NT5C2: variants seen among roughly 807,000 people sequenced by gnomAD.
The protein encoded by NT5C2 is 5'-nucleotidase, cytosolic II.
NT5C2 carries 58 observed loss-of-function variants against 76.1 expected under a neutral mutation model. The observed-to-expected ratio is 0.76, with a 90% CI of 0.62 to 0.95. The LOEUF (loss-of-function observed/expected upper bound fraction) is 0.95, where lower values mean the gene tolerates loss of function less well. Ranked by LOEUF, NT5C2 falls within the 40% of genes least tolerant of loss-of-function variation. NT5C2 has a pLI of 0.00. For missense variants in NT5C2, 478 were observed against 690.3 expected (o/e 0.69, Z 3.45); for synonymous variants, 229 against 237.4 (o/e 0.96, Z 0.32).
At chr10:103,130,903 CAG>C (rs746661278) in intron 4 of NT5C2, among the ~76,000 whole-genome samples, 24 of 152,174 alleles carry the variant, frequency 1.6e-4, no homozygotes, top group Non-Finnish European at 3.2e-4. Flanking sequence ...AGACCAAAAA[CAG>C]AGTTTCCTTA....
chr10:103,106,715 AGAG>A lies in NT5C2; in HGVS notation c.176-12_176-10del. 6.7e-7 allele frequency: 1 copy of A among 1,503,260 alleles called. No individual in the cohort carries two copies. Among genetic ancestry groups the A allele is most frequent in the African/African-American group, 1.4e-5 (1 of 72,774 alleles). The allele number at this position is 1,503,260 out of a possible 1,614,324, so 93.1% of individuals were successfully genotyped here. ...CTCTGGGGACTTGTACACTGCACAA[AGAG>A]GAGGTTTTCATTAGTTAGCAGAAAG... On this transcript the variant is annotated splice_polypyrimidine_tract_variant and intron_variant, in intron 4 of 18. Transcript: ENST00000404739.
intron 3 of NT5C2, among the ~76,000 whole-genome samples, chr10:103,172,265 G>A (rs912008053): frequency 1.5e-5 from 1 of 66,908 alleles, no homozygotes; most frequent in Non-Finnish European, 3.2e-5. Flanking sequence ...TTTTTTTTTT[G>A]AGACGGAGTC....
intron 6 of NT5C2, among the ~76,000 whole-genome samples, chr10:103,102,823 G>A (rs1216311476): frequency 6.6e-6 from 1 of 151,868 alleles, no homozygotes; most frequent in Non-Finnish European, 1.5e-5. Flanking sequence ...ATTTTTATTA[G>A]GCAATTAGAA....
intron 1 of NT5C2, among the ~76,000 whole-genome samples, chr10:103,187,373 A>G (rs2092162659): frequency 6.6e-6 from 1 of 151,860 alleles, no homozygotes. Context: ...AAGAAACTCC[A>G]TCTCTACTAA....
intron 6 of NT5C2, among the ~76,000 whole-genome samples, chr10:103,101,979 T>G (rs72844002): frequency 0.042 from 6,409 of 152,242 alleles, 143 homozygotes; most frequent in Non-Finnish European, 0.052. Flanking sequence ...ATTAAGCTAC[T>G]GTTTCTACAC....
intron 18 of NT5C2, chr10:103,090,264 C>T: frequency 3.0e-6 from 1 of 335,246 alleles, no homozygotes; most frequent in Non-Finnish European, 5.4e-6. Flanking sequence ...GTCACCCAGG[C>T]TGGAGTACAG....
chr10:103,167,616 A>C (rs2086723609), intron 3 of NT5C2, among the ~76,000 whole-genome samples: 1 of 152,106 alleles, frequency 6.6e-6, no homozygotes, highest in African/African-American at 2.4e-5. Context: ...TAAAAAAAAA[A>C]ATAAAGATTT....
chr10:103,098,108 T>C (rs2068651027), intron 10 of NT5C2: 1 of 527,506 alleles, frequency 1.9e-6, no homozygotes, highest in Non-Finnish European at 3.9e-6. Context: ...AAGAAAGAAG[T>C]ATGTCATCTT....
At chr10:103,191,558 G>C (rs1334227602) in intron 1 of NT5C2, among the ~76,000 whole-genome samples, 1 of 152,118 alleles carries the variant, frequency 6.6e-6, no homozygotes, top group East Asian at 1.9e-4. Context: ...ATGTCTTCTG[G>C]TTAAGGGTGG....
chr10:103,181,934 C>G (rs1182998794), intron 1 of NT5C2, among the ~76,000 whole-genome samples: 1 of 151,400 alleles, frequency 6.6e-6, no homozygotes, highest in Non-Finnish European at 1.5e-5. Context: ...TTCTCCCACC[C>G]GGGAGGCGGA....
intron 3 of NT5C2, among the ~76,000 whole-genome samples, chr10:103,164,793 T>C (rs1016385182): frequency 2.0e-5 from 3 of 152,234 alleles, no homozygotes; most frequent in East Asian, 1.9e-4. Context: ...TTCCTCAACA[T>C]AAGTTTCTTC....
rs2068452374 is a variant in NT5C2, at chr10:103,097,357, A to C, written c.705T>G (p.Leu235=). ...YVVKDGKLPL[L]LSRMKEVGKV... ...TCCCTACTTCCTTCATCCGGCTCAG[A>C]AGCAAAGGCAGTTTTCCCTGAAATG... Residue 235 remains leucine (L), a synonymous_variant, in exon 11 of 19, where the codon CTT becomes CTG. Coordinates refer to ENST00000404739, the MANE Select transcript of NT5C2 (RefSeq NM_001351169.2). 2 of 1,613,758 alleles carry C rather than the reference A, an allele frequency of 1.2e-6. No individual in the cohort carries two copies. The highest frequency in any genetic ancestry group is 4.5e-5 in the East Asian group (2 of 44,818).
rs1458133670 is a variant in NT5C2 at position 103,101,229 on chromosome 10, A to C, written c.481+6T>G. 1.9e-6 allele frequency: 3 copies of C among 1,549,870 alleles called. No individual in the cohort carries two copies. The African/African-American group carries it at 4.1e-5, about 21-fold the overall frequency. On this transcript the variant is annotated splice_donor_region_variant and intron_variant, in intron 7 of 18. Transcript: ENST00000404739. ...ATCAGTATAAATAAGCATAGAATGA[A>C]TCTACCTGGTAGGTTGAATAGTGTG...
intron 2 of NT5C2, among the ~76,000 whole-genome samples, chr10:103,178,973 G>C (rs1305790525): frequency 1.4e-5 from 1 of 71,340 alleles, no homozygotes; most frequent in Non-Finnish European, 3.1e-5. Context: ...TTTTGAGATA[G>C]AGTCTTGCTC....
intron 4 of NT5C2, among the ~76,000 whole-genome samples, chr10:103,120,708 A>T (rs1160134370): frequency 6.6e-6 from 1 of 152,270 alleles, no homozygotes; most frequent in Non-Finnish European, 1.5e-5. Flanking sequence ...AAGATGTTAC[A>T]GCCACTATAG....
intron 3 of NT5C2, among the ~76,000 whole-genome samples, chr10:103,144,392 T>C (rs960528557): frequency 6.6e-6 from 1 of 152,216 alleles, no homozygotes; most frequent in Non-Finnish European, 1.5e-5. Context: ...CAAGCACAGC[T>C]AACATTACAG....
At chr10:103,117,587 T>G (rs1423611420) in intron 4 of NT5C2, among the ~76,000 whole-genome samples, 4 of 152,198 alleles carry the variant, frequency 2.6e-5, no homozygotes, top group Non-Finnish European at 4.4e-5. Flanking sequence ...TTCAAGGTTA[T>G]AGTAAACTAC....
At chr10:103,160,613 T>C (rs764819047) in intron 3 of NT5C2, among the ~76,000 whole-genome samples, 15 of 152,160 alleles carry the variant, frequency 9.9e-5, no homozygotes, top group African/African-American at 1.4e-4. Flanking sequence ...TCACAAAAGA[T>C]ACACAAATGG....
intron 3 of NT5C2, among the ~76,000 whole-genome samples, chr10:103,172,965 G>A (rs918175959): frequency 1.3e-5 from 2 of 152,142 alleles, no homozygotes; most frequent in African/African-American, 4.8e-5. Flanking sequence ...CCGAGATCAA[G>A]CCACTGGACT....
Sources: allele counts gnomAD v4.1 joint callset (sites outside exome capture counted in the v4.1 genomes callset), GRCh38; gene constraint gnomAD v4.1.1; transcripts MANE v1.5; gene names NCBI Gene and HGNC (gene_info 2026-07-23, HGNC 2026-07-21).